Variants in SHISA6 observed in about 807,000 individuals in gnomAD.
SHISA6 encodes the protein protein shisa-6.
A neutral mutation model predicts 47.9 loss-of-function variants in SHISA6; 22 were observed. The ratio of observed to expected loss-of-function variants is 0.46; its 90% CI spans 0.33 to 0.66. The LOEUF is 0.66. Among genes scored for constraint, SHISA6 ranks in the 30% least tolerant of loss-of-function variants. SHISA6 has a pLI of 0.02. For missense variants in SHISA6, 680 were observed against 764.6 expected (o/e 0.89, Z 1.30); for synonymous variants, 388 against 337.8 (o/e 1.15, Z -1.63).
chr17:11,258,498 G>A (rs1052295906), intron 1 of SHISA6, among the ~76,000 whole-genome samples: 4 of 152,170 alleles, frequency 2.6e-5, no homozygotes, highest in Non-Finnish European at 4.4e-5. Context: ...TCTGTTCAGC[G>A]AATGAAGATT....
intron 2 of SHISA6, among the ~76,000 whole-genome samples, chr17:11,266,447 G>C (rs993938874): frequency 2.6e-5 from 4 of 152,214 alleles, no homozygotes; most frequent in African/African-American, 7.2e-5. Context: ...TAGAGTTTGA[G>C]AAGCACTGGG....
chr17:11,515,000 A>AG (rs2071571086), intron 3 of SHISA6, among the ~76,000 whole-genome samples: 1 of 152,130 alleles, frequency 6.6e-6, no homozygotes. Context: ...CAGGGGTACA[A>AG]GGGGCTGCAA....
intron 2 of SHISA6, among the ~76,000 whole-genome samples, chr17:11,343,084 C>A (rs1200218477): frequency 1.3e-5 from 2 of 152,200 alleles, no homozygotes; most frequent in Non-Finnish European, 2.9e-5. Flanking sequence ...GCTGGAACTC[C>A]TAATTCTCAT....
intron 2 of SHISA6, among the ~76,000 whole-genome samples, chr17:11,370,054 C>T (rs897668780): frequency 6.6e-5 from 10 of 152,110 alleles, no homozygotes; most frequent in African/African-American, 9.7e-5. Flanking sequence ...AATAGAGGGG[C>T]GAGAAAAGGT....
intron 3 of SHISA6, among the ~76,000 whole-genome samples, chr17:11,419,491 G>A (rs1451161370): frequency 6.6e-6 from 1 of 152,134 alleles, no homozygotes; most frequent in Non-Finnish European, 1.5e-5. Context: ...TCACTAAAGA[G>A]ATGTGGTTAA....
intron 3 of SHISA6, among the ~76,000 whole-genome samples, chr17:11,508,088 C>T (rs1567624745): frequency 6.6e-6 from 1 of 152,352 alleles, no homozygotes; most frequent in East Asian, 1.9e-4. Context: ...CTTCTCTACT[C>T]CAAGGTTTTG....
At chr17:11,487,070 A>G (rs770428619) in intron 3 of SHISA6, among the ~76,000 whole-genome samples, 9 of 152,184 alleles carry the variant, frequency 5.9e-5, no homozygotes, top group Non-Finnish European at 2.9e-5. Flanking sequence ...AGAACTTACA[A>G]TCTAAGATAT....
At chr17:11,437,817 G>A (rs1042030732) in intron 3 of SHISA6, among the ~76,000 whole-genome samples, 1 of 152,136 alleles carries the variant, frequency 6.6e-6, no homozygotes, top group Non-Finnish European at 1.5e-5. Context: ...TGGTGGTTTT[G>A]GTTTGAAGAG....
At chr17:11,402,404 T>C (rs1392717347) in intron 3 of SHISA6, among the ~76,000 whole-genome samples, 2 of 152,242 alleles carry the variant, frequency 1.3e-5, no homozygotes, top group African/African-American at 2.4e-5. Context: ...TTAATCAACA[T>C]ACACAGTTCT....
intron 3 of SHISA6, among the ~76,000 whole-genome samples, chr17:11,455,574 G>A (rs561937457): frequency 1.7e-4 from 26 of 151,652 alleles, no homozygotes; most frequent in South Asian, 1.2e-3. Flanking sequence ...CGTGGAGAGC[G>A]TCACACCCAA....
intron 2 of SHISA6, among the ~76,000 whole-genome samples, chr17:11,337,953 A>G (rs764341489): frequency 6.6e-5 from 10 of 152,216 alleles, no homozygotes; most frequent in Non-Finnish European, 1.0e-4. Context: ...AGCAGGGGCT[A>G]GCAAACTCTG....
Position 11,277,203 on chromosome 17 carries a change from A to AAGAATCTGG in SHISA6, c.799+13678_799+13686dup, listed in dbSNP as rs1459063993. On this transcript the variant is annotated intron_variant, in intron 2 of 5. Transcript: ENST00000441885. ...GCCAGAGTAATTACAAGGGAAGTCA[A>AAGAATCTGG]AGAATCTGGTCTCTCCCTCCCCATC... Among the ~76,000 whole-genome samples the AAGAATCTGG allele has an allele frequency of 4.7e-5, 7 of 148,888 alleles. No individual in the cohort carries two copies. The East Asian group carries it at 1.4e-3, about 30-fold the overall frequency.
intron 3 of SHISA6, among the ~76,000 whole-genome samples, chr17:11,492,406 G>T (rs2071371661): frequency 6.6e-6 from 1 of 152,146 alleles, no homozygotes; most frequent in East Asian, 1.9e-4. Context: ...AGAATGGGCT[G>T]GTTTAGAAAT....
intron 3 of SHISA6, among the ~76,000 whole-genome samples, chr17:11,414,040 C>T (rs1914211055): frequency 6.6e-6 from 1 of 151,466 alleles, no homozygotes; most frequent in African/African-American, 2.4e-5. Flanking sequence ...CTCTTCTCCT[C>T]TCTCCTTCTC....
intron 2 of SHISA6, chr17:11,290,056 A>T (rs1909465244): frequency 1.3e-5 from 2 of 152,070 alleles, no homozygotes; most frequent in Admixed American, 1.3e-4. Context: ...GGTTGTTTTG[A>T]ATTATGCTTT....
intron 2 of SHISA6, among the ~76,000 whole-genome samples, chr17:11,373,534 A>G (rs1478544310): frequency 6.6e-6 from 1 of 152,150 alleles, no homozygotes; most frequent in Admixed American, 6.5e-5. Context: ...GTTATATTAA[A>G]ATCTCTATCA....
chr17:11,352,757 T>G (rs1416193018), intron 2 of SHISA6, among the ~76,000 whole-genome samples: 1 of 152,182 alleles, frequency 6.6e-6, no homozygotes, highest in Non-Finnish European at 1.5e-5. Flanking sequence ...TGGGCTGATG[T>G]AGGTCAAACA....
intron 3 of SHISA6, among the ~76,000 whole-genome samples, chr17:11,417,885 C>T (rs187181659): frequency 6.4e-4 from 98 of 152,124 alleles, no homozygotes; most frequent in African/African-American, 2.2e-3. Context: ...ATGCTTAGTC[C>T]GTTTTAAAGG....
At chr17:11,355,520 C>G (rs994670661) in intron 2 of SHISA6, among the ~76,000 whole-genome samples, 1 of 152,182 alleles carries the variant, frequency 6.6e-6, no homozygotes, top group Non-Finnish European at 1.5e-5. Context: ...TTACCACCCC[C>G]AGGCCTGATG....
Sources: allele counts gnomAD v4.1 joint callset (sites outside exome capture counted in the v4.1 genomes callset), GRCh38; gene constraint gnomAD v4.1.1; transcripts MANE v1.5; gene names NCBI Gene and HGNC (gene_info 2026-07-23, HGNC 2026-07-21).